SPEF2: variants seen among roughly 807,000 people sequenced by gnomAD.
The protein encoded by SPEF2 is sperm flagella and cilia-associated protein 2.
Under a neutral mutation model 224.6 loss-of-function variants are expected in SPEF2, and 187 were observed. The ratio of observed to expected loss-of-function variants is 0.83; its 90% confidence interval spans 0.74 to 0.94. The LOEUF is 0.94. Ranked by LOEUF, SPEF2 falls within the 40% of genes least tolerant of loss-of-function variation. The pLI is 0.00. For synonymous variants in SPEF2, 715 were observed against 707.3 expected, an observed-to-expected ratio of 1.01 and a Z score of -0.17; for missense variants, 2,170 against 2,135.6, an observed-to-expected ratio of 1.02 and a Z score of -0.32.
chr5:35,692,470 G>A lies in SPEF2; in HGVS notation c.1745-100G>A. The A allele has an allele frequency of 4.9e-6, 4 of 819,094 alleles. No individual in the cohort carries two copies. The East Asian group carries it at 9.9e-5, about 20-fold the overall frequency. 50.7% of individuals were successfully genotyped at this position (819,094 alleles called of 1,614,324 possible). A position where few individuals can be genotyped will look rare whatever the true frequency, so the allele number is the denominator to read the frequency against. The stretch of plus-strand genomic sequence containing the variant: ...TTGATCCAAAAGACTGTTCTAGCGG[G>A]CCTGAAAGACAGTGTTATAGGACAA... On this transcript the variant is annotated intron_variant, in intron 11 of 36. Coordinates refer to ENST00000356031, the MANE Select transcript of SPEF2 (RefSeq NM_024867.4).
In SPEF2 at chr5:35,786,837, C is replaced by G. The variant is rs937605444; in HGVS notation, c.4448-5503C>G. On this transcript the variant is annotated intron_variant, in intron 30 of 36. Coordinates refer to ENST00000356031, the MANE Select transcript of SPEF2 (RefSeq NM_024867.4). ...ATCTACCAAGTGCTTAGCAGTCAGCCAGACATTATGAAGCACATTATTTAG... is the reference window on the plus strand; with the variant it reads ...ATCTACCAAGTGCTTAGCAGTCAGCGAGACATTATGAAGCACATTATTTAG... Among the ~76,000 whole-genome samples the G allele has an allele frequency of 2.6e-5, 4 of 152,056 alleles. No homozygotes were observed. In the South Asian group the frequency reaches 6.2e-4, roughly 24 times the overall value.
chr5:35,670,510 A>G (rs1751090671), intron 10 of SPEF2: 2 of 1,048,946 alleles, frequency 1.9e-6, no homozygotes, highest in Non-Finnish European at 2.3e-6. Flanking sequence ...AAATGCTTTA[A>G]TTTATTTATT....
chr5:35,792,209 T>G, intron 30 of SPEF2, 131 bp from the exon 31 acceptor site: 1 of 529,564 alleles, frequency 1.9e-6, no homozygotes, highest in Non-Finnish European at 3.1e-6. Context: ...GTCTTCTGTT[T>G]CTTTAAAACT....
At chr5:35,753,364 CA>C (rs1382693377) in intron 23 of SPEF2, among the ~76,000 whole-genome samples, 1 of 152,004 alleles carries the variant, frequency 6.6e-6, no homozygotes, top group African/African-American at 2.4e-5. Context: ...CATAGCCATT[CA>C]TGAATAAAGT....
intron 34 of SPEF2, 64 bp from the exon 35 acceptor site, chr5:35,806,643 A>G: frequency 6.4e-7 from 1 of 1,554,472 alleles, no homozygotes; most frequent in Non-Finnish European, 8.6e-7. Flanking sequence ...GGTATATTCT[A>G]AAAGTCTCCA....
intron 1 of SPEF2, among the ~76,000 whole-genome samples, chr5:35,624,485 A>G (rs762628981): frequency 5.9e-5 from 9 of 152,284 alleles, no homozygotes; most frequent in Non-Finnish European, 1.3e-4. Flanking sequence ...GAAATTAGTC[A>G]TAGTATTCAG....
chr5:35,776,286 A>T lies in SPEF2; in HGVS notation c.4108A>T (p.Ile1370Leu), dbSNP rs1159406602. Residue 1370 changes from isoleucine to leucine, a missense_variant, in exon 29 of 37, where the codon ATA (isoleucine) becomes TTA (leucine). Coordinates refer to ENST00000356031, the MANE Select transcript of SPEF2 (RefSeq NM_024867.4). ...AGCCACGCAATTTCGACTTGAACTG[A>T]TAAAGACAAAAGCATTGGCTCTTCT... ...EIATQFRLELIKTKALALLED... is the reference protein window; with the variant it reads ...EIATQFRLELLKTKALALLED... 6.2e-7 allele frequency: 1 copy of T among 1,611,322 alleles called. No homozygotes were observed. The highest frequency in any genetic ancestry group is 1.7e-5 in the Admixed American group (1 of 59,154).
chr5:35,656,156 G>A (rs1387062277), intron 7 of SPEF2, among the ~76,000 whole-genome samples: 3 of 152,270 alleles, frequency 2.0e-5, no homozygotes, highest in East Asian at 1.9e-4. Context: ...AAGATGGTAA[G>A]AGGAACAAAC....
intron 6 of SPEF2, among the ~76,000 whole-genome samples, chr5:35,650,416 C>T (rs1199174469): frequency 6.6e-6 from 1 of 152,154 alleles, no homozygotes; most frequent in Non-Finnish European, 1.5e-5. Context: ...ACCACTTGAA[C>T]CCTAGCACAC....
intron 32 of SPEF2, among the ~76,000 whole-genome samples, chr5:35,795,365 C>T (rs1756522000): frequency 6.6e-6 from 1 of 152,190 alleles, no homozygotes; most frequent in African/African-American, 2.4e-5. Context: ...AAGATTAATA[C>T]AGGGTAGCAG....
At chr5:35,658,401 C>T (rs1291322786) in intron 7 of SPEF2, among the ~76,000 whole-genome samples, 3 of 152,130 alleles carry the variant, frequency 2.0e-5, no homozygotes, top group Admixed American at 2.0e-4. Flanking sequence ...CACATTCTGT[C>T]AGTTTGTATT....
chr5:35,778,547 G>T (rs1753915281), intron 29 of SPEF2, among the ~76,000 whole-genome samples: 1 of 152,212 alleles, frequency 6.6e-6, no homozygotes. Flanking sequence ...TCTTCATGAA[G>T]ATAGCAAAGC....
intron 21 of SPEF2, among the ~76,000 whole-genome samples, chr5:35,734,949 A>T (rs113496653): frequency 6.6e-6 from 1 of 151,738 alleles, no homozygotes; most frequent in East Asian, 1.9e-4. Flanking sequence ...TGACCTCAAG[A>T]TCCACCCACC....
At position 35,806,952 on chromosome 5, in the gene SPEF2, G is replaced by A; in HGVS notation, c.5256G>A (p.Glu1752=). ...TAAAGATAGAGAACATTTATGCAGA[G>A]GTTGGTTAAATTATTTTGAAAAAAG... The part of the protein sequence containing the change: ...SHLKIENIYA[E]GFIKTFQDLG... The change falls in exon 35 of 37, where the codon GAG becomes GAA. Residue 1752 remains glutamate, a splice_region_variant and synonymous_variant. Transcript: ENST00000356031. The A allele has an allele frequency of 6.3e-7, 1 of 1,590,010 alleles. No homozygotes were observed. Among genetic ancestry groups the A allele is most frequent in the Non-Finnish European group, 8.5e-7 (1 of 1,171,002 alleles).
intron 20 of SPEF2, among the ~76,000 whole-genome samples, chr5:35,725,768 C>G (rs1027699708): frequency 7.9e-5 from 12 of 152,134 alleles, no homozygotes; most frequent in African/African-American, 2.9e-4. Context: ...TGTTCTAAAA[C>G]TGAATTTCTC....
chr5:35,667,409 G>A lies in SPEF2; in HGVS notation c.1355+150G>A, dbSNP rs114963054. ...TGGGGTCCAGGAGACCTTGATTACT[G>A]ACTTGATTTACTCACTGACTATTTT... On this transcript the variant is annotated intron_variant, in intron 9 of 36. Coordinates refer to ENST00000356031, the MANE Select transcript of SPEF2 (RefSeq NM_024867.4). 5.0e-3 allele frequency: 3,135 copies of A among 629,350 alleles called. 82 individuals carry two copies. The African/African-American group carries it at 0.053, about 11-fold the overall frequency. The allele number at this position is 629,350 out of a possible 1,614,324, so 39.0% of individuals were successfully genotyped here.
chr5:35,702,106 G>A (rs1204189514), intron 16 of SPEF2: 1 of 413,770 alleles, frequency 2.4e-6, no homozygotes, highest in Admixed American at 2.5e-5. Context: ...ATAAGCCAAG[G>A]GAGGACAAAT....
At chr5:35,800,542 G>A (rs1364337893) in intron 34 of SPEF2, among the ~76,000 whole-genome samples, 1 of 152,100 alleles carries the variant, frequency 6.6e-6, no homozygotes, top group Non-Finnish European at 1.5e-5. Flanking sequence ...ACATATATGG[G>A]GCTTGGTAGT....
At position 35,691,242 on chromosome 5, in the gene SPEF2, G is replaced by T; in HGVS notation, c.1730G>T (p.Arg577Met). The change falls in exon 11 of 37, where the codon AGG becomes ATG. Residue 577 changes from arginine to methionine, a missense_variant. Arg to Met is a moderately conservative substitution (Grantham distance 91). Transcript: ENST00000356031. ...KTLSGKTTILRSLQKDFPIQI... is the reference protein window; with the variant it reads ...KTLSGKTTILMSLQKDFPIQI... ...TTAAGTGGAAAAACTACCATTTTAA[G>T]GTCTCTACAAAAAGGTAGAATTTCT... The T allele has an allele frequency of 6.2e-7, 1 of 1,613,626 alleles. No homozygotes were observed. Among genetic ancestry groups the T allele is most frequent in the Non-Finnish European group, 8.5e-7 (1 of 1,179,728 alleles).
Sources: allele counts gnomAD v4.1 joint callset (sites outside exome capture counted in the v4.1 genomes callset), GRCh38; gene constraint gnomAD v4.1.1; transcripts MANE v1.5; gene names NCBI Gene and HGNC (gene_info 2026-07-23, HGNC 2026-07-21).